The following GAREM1 variants were observed in gnomAD, a reference collection of about 807,000 sequenced individuals.
The protein encoded by GAREM1 is GRB2 associated regulator of MAPK1 subtype 1.
A neutral mutation model predicts 71.3 loss-of-function variants in GAREM1; 26 were observed. The observed-to-expected ratio is 0.36, with a 90% confidence interval of 0.27 to 0.51. GAREM1 has a LOEUF of 0.51. Ranked by LOEUF, GAREM1 falls within the 20% of genes least tolerant of loss-of-function variation. The pLI is 0.95. For missense variants in GAREM1, 1,026 were observed against 1,103.1 expected (o/e 0.93, Z 0.99); for synonymous variants, 440 against 433.2 (o/e 1.02, Z -0.20).
Position 32,268,073 on chromosome 18 carries a change from C to T in GAREM1, c.2429G>A (p.Gly810Glu). The T allele has an allele frequency of 6.2e-7, 1 of 1,614,132 alleles. No homozygotes were observed. The highest frequency in any genetic ancestry group is 8.5e-7 in the Non-Finnish European group (1 of 1,180,020). The change falls in exon 6 of 6, where the codon GGA becomes GAA. Residue 810 changes from glycine (G) to glutamate (E), a missense_variant. By Grantham distance (98) the Gly-to-Glu change is moderately conservative. Transcript: ENST00000269209. ...SPWQPPADLS[G>E]LSIEEVSKSL... ...CTTGGACACTTCCTCTATAGAGAGT[C>T]CTGATAGGTCAGCAGGTGGCTGCCA...
At chr18:32,412,182 G>A in intron 1 of GAREM1, 2 of 1,534,804 alleles carry the variant, frequency 1.3e-6, no homozygotes, top group Non-Finnish European at 1.8e-6. Context: ...CACTTCTCTG[G>A]CTCTCCTCTC....
At chr18:32,466,520 T>G (rs917150084) in intron 1 of GAREM1, among the ~76,000 whole-genome samples, 1 of 152,188 alleles carries the variant, frequency 6.6e-6, no homozygotes, top group Non-Finnish European at 1.5e-5. Context: ...AAAATGTGCT[T>G]AGGGACAGAG....
At chr18:32,387,522 G>A (rs1403110974) in intron 2 of GAREM1, among the ~76,000 whole-genome samples, 1 of 152,188 alleles carries the variant, frequency 6.6e-6, no homozygotes, top group Non-Finnish European at 1.5e-5. Flanking sequence ...TTGTACGAAT[G>A]TGACAATCTC....
intron 2 of GAREM1, among the ~76,000 whole-genome samples, chr18:32,363,317 A>G (rs1222435103): frequency 1.3e-5 from 2 of 152,200 alleles, no homozygotes; most frequent in Non-Finnish European, 2.9e-5. Flanking sequence ...ATTGTAGTCC[A>G]TGGTTCCATT....
rs147657264 is a variant in GAREM1 at position 32,336,291 on chromosome 18, G to A, written c.263-25968C>T. 7.0e-3 allele frequency among the ~76,000 whole-genome samples: 1,069 copies of A among 152,116 alleles called. 14 individuals carry two copies. The highest frequency in any genetic ancestry group is 0.025 in the African/African-American group (1,027 of 41,480). On this transcript the variant is annotated intron_variant, in intron 2 of 5. Coordinates refer to ENST00000269209, the MANE Select transcript of GAREM1 (RefSeq NM_001242409.2). ...TAAAAATACAAAAAATTAGCCGGCC[G>A]TGGTGGTGGGTGCCTGTGGTCCCAG... is the stretch of plus-strand genomic sequence containing the variant.
chr18:32,315,647 G>C (rs1399292141), intron 2 of GAREM1, among the ~76,000 whole-genome samples: 1 of 151,862 alleles, frequency 6.6e-6, no homozygotes, highest in African/African-American at 2.4e-5. Context: ...ACAGCTCCAT[G>C]TGGCTACTGG....
intron 3 of GAREM1, among the ~76,000 whole-genome samples, chr18:32,289,917 T>C (rs775241361): frequency 6.6e-6 from 1 of 152,154 alleles, no homozygotes; most frequent in Non-Finnish European, 1.5e-5. Flanking sequence ...CTCTATTTTT[T>C]GAATCCTAAC....
At chr18:32,426,071 T>C (rs952508615) in intron 1 of GAREM1, among the ~76,000 whole-genome samples, 1 of 152,202 alleles carries the variant, frequency 6.6e-6, no homozygotes, top group Non-Finnish European at 1.5e-5. Flanking sequence ...CAGGCTGGAG[T>C]GCAGTGGTGT....
chr18:32,393,878 A>C (rs1462461446), intron 1 of GAREM1, among the ~76,000 whole-genome samples: 2 of 152,196 alleles, frequency 1.3e-5, no homozygotes, highest in South Asian at 4.1e-4. Flanking sequence ...TCAGTGCTCA[A>C]TGAAAATATC....
chr18:32,385,652 C>T (rs768249482), intron 2 of GAREM1, among the ~76,000 whole-genome samples: 7 of 152,108 alleles, frequency 4.6e-5, no homozygotes, highest in Non-Finnish European at 1.0e-4. Context: ...AAAGCTTTAC[C>T]CAGCTTATTG....
chr18:32,420,549 C>A (rs16963351), intron 1 of GAREM1, among the ~76,000 whole-genome samples: 15,045 of 152,048 alleles, frequency 0.099, 918 homozygotes, highest in African/African-American at 0.18. Context: ...TCATCCATCC[C>A]AATGACCACC....
At chr18:32,359,957 A>AAATAAAT (rs1567978613) in intron 2 of GAREM1, among the ~76,000 whole-genome samples, 7 of 148,268 alleles carry the variant, frequency 4.7e-5, no homozygotes, top group African/African-American at 1.8e-4. Flanking sequence ...AATAAATAAA[A>AAATAAAT]AATTGAATAA....
At chr18:32,400,485 C>T (rs1013946787) in intron 1 of GAREM1, among the ~76,000 whole-genome samples, 1 of 152,074 alleles carries the variant, frequency 6.6e-6, no homozygotes, top group Admixed American at 6.5e-5. Flanking sequence ...AAGAAAAAAA[C>T]AAACAACCCC....
intron 1 of GAREM1, among the ~76,000 whole-genome samples, chr18:32,459,749 T>A (rs1487755494): frequency 6.6e-6 from 1 of 152,106 alleles, no homozygotes; most frequent in Non-Finnish European, 1.5e-5. Context: ...GGACCAGAAA[T>A]GACAATGTTA....
intron 1 of GAREM1, among the ~76,000 whole-genome samples, chr18:32,430,125 G>A (rs1273618593): frequency 6.6e-6 from 1 of 152,182 alleles, no homozygotes; most frequent in Non-Finnish European, 1.5e-5. Context: ...AATTAACACT[G>A]AAGTACAACT....
In GAREM1 at chr18:32,298,532, A is replaced by G. The variant is rs537321395; in HGVS notation, c.394-10329T>C. Among the ~76,000 whole-genome samples, 3 of 152,250 alleles carry G rather than the reference A, an allele frequency of 2.0e-5. No individual in the cohort carries two copies. In the South Asian group the frequency reaches 6.2e-4, roughly 32 times the overall value. On this transcript the variant is annotated intron_variant, in intron 3 of 5. Coordinates refer to ENST00000269209, the MANE Select transcript of GAREM1 (RefSeq NM_001242409.2). ...AGTGTGTTATCTAAACAACTCTAAT[A>G]GGTCTGATCCAGGAAACTATCAGGG...
intron 2 of GAREM1, among the ~76,000 whole-genome samples, chr18:32,324,762 C>T (rs891035017): frequency 2.1e-4 from 32 of 152,156 alleles, no homozygotes; most frequent in Non-Finnish European, 2.9e-5. Context: ...ATTTAAGCTA[C>T]AAACGGCAAG....
chr18:32,299,835 A>G (rs971885977), intron 3 of GAREM1, among the ~76,000 whole-genome samples: 2 of 152,188 alleles, frequency 1.3e-5, no homozygotes, highest in Non-Finnish European at 2.9e-5. Flanking sequence ...TAAGAAAGGT[A>G]TTCTGAAAAA....
At chr18:32,418,412 C>T (rs1001288726) in intron 1 of GAREM1, among the ~76,000 whole-genome samples, 2 of 152,130 alleles carry the variant, frequency 1.3e-5, no homozygotes, top group African/African-American at 4.8e-5. Flanking sequence ...GGCTCAATTC[C>T]ACCTTGTTAT....
Sources: allele counts gnomAD v4.1 joint callset (sites outside exome capture counted in the v4.1 genomes callset), GRCh38; gene constraint gnomAD v4.1.1; transcripts MANE v1.5; gene names NCBI Gene and HGNC (gene_info 2026-07-23, HGNC 2026-07-21).